WDR12: variants seen among roughly 807,000 people sequenced by gnomAD.
WDR12 encodes WD repeat domain 12, also known as ribosome biogenesis protein WDR12.
A neutral mutation model predicts 64.3 loss-of-function variants in WDR12; 42 were observed. That is an observed-to-expected ratio of 0.65 (90% CI 0.51 to 0.84). WDR12 has a LOEUF of 0.84. Among genes scored for constraint, WDR12 ranks in the 40% least tolerant of loss-of-function variants. The probability of loss-of-function intolerance (pLI) is 0.00; values close to 1 mark genes in which losing one functional copy is unlikely to be tolerated. For synonymous variants in WDR12, 158 were observed against 173.3 expected (o/e 0.91, Z 0.70); for missense variants, 469 against 494.6 (o/e 0.95, Z 0.49).
chr2:202,892,018 TA>T (rs1194666206), intron 8 of WDR12, among the ~76,000 whole-genome samples: 2 of 152,216 alleles, frequency 1.3e-5, no homozygotes, highest in Admixed American at 6.5e-5. Context: ...ATGTGTTAAT[TA>T]ATTTGATTGC....
chr2:202,901,340 A>C (rs1165605062), intron 2 of WDR12, among the ~76,000 whole-genome samples: 1 of 152,218 alleles, frequency 6.6e-6, no homozygotes, highest in Non-Finnish European at 1.5e-5. Flanking sequence ...TATTTCAAAC[A>C]TACACAAAAG....
intron 6 of WDR12, chr2:202,894,886 A>G (rs1339388244): frequency 1.8e-5 from 6 of 326,730 alleles, no homozygotes; most frequent in Non-Finnish European, 2.8e-5. Context: ...CAAGACAGCG[A>G]GAGGGTGTGC....
Position 202,883,625 on chromosome 2 carries a change from G to A in WDR12, c.1105C>T (p.Leu369=). The change falls in exon 11 of 13, where the codon CTG becomes TTG. Residue 369 remains leucine (L), a synonymous_variant. Transcript: ENST00000261015. ...AGAATTTACCTTCTTGTATCCCACAGCTTAACAATGTTATCTAAAGATCCT... is the reference window on the plus strand; with the variant it reads ...AGAATTTACCTTCTTGTATCCCACAACTTAACAATGTTATCTAAAGATCCT... ...ISGSLDNIVK[L]WDTRSCKAPL... is the part of the protein sequence containing the mutation. 2 of 1,613,896 alleles carry A rather than the reference G, an allele frequency of 1.2e-6. No individual in the cohort carries two copies. The highest frequency in any genetic ancestry group is 1.7e-6 in the Non-Finnish European group (2 of 1,179,952).
At chr2:202,883,425 T>A (rs1687989886) in intron 11 of WDR12, 184 bp downstream of exon 11, 1 of 584,274 alleles carries the variant, frequency 1.7e-6, no homozygotes, top group South Asian at 2.2e-5. Context: ...TGTGAGCCAC[T>A]GTGCCTGGCC....
At chr2:202,908,877 G>T (rs568869855) in intron 1 of WDR12, among the ~76,000 whole-genome samples, 1 of 152,094 alleles carries the variant, frequency 6.6e-6, no homozygotes, top group Admixed American at 6.5e-5. Context: ...ACTATATTAA[G>T]AACACTTACA....
rs774902213 is a variant in WDR12, at chr2:202,897,411, A to G, written c.343T>C (p.Leu115=). The part of the protein sequence containing the change: ...SSIKGAEEWI[L]TGSYDKTSRI... ...GAAGTCTTATCATAAGAACCAGTCA[A>G]GATCCTATGAGAAAAAAAAATCTTA... Residue 115 remains leucine, a synonymous_variant, in exon 5 of 13, where the codon TTG becomes CTG. Coordinates refer to ENST00000261015, the MANE Select transcript of WDR12 (RefSeq NM_018256.4). 7 of 1,514,920 alleles carry G rather than the reference A, an allele frequency of 4.6e-6. No individual in the cohort carries two copies. The highest frequency in any genetic ancestry group is 1.8e-6 in the Non-Finnish European group (2 of 1,131,930). 93.8% of individuals were successfully genotyped at this position (1,514,920 alleles called of 1,614,324 possible).
chr2:202,894,649 A>G lies in WDR12; in HGVS notation c.610-23T>C, dbSNP rs1240936680. ...AAACTAAACAGATGTATATGAAGGGAAAAGACATATGTAATATGATTCATA... is the reference window on the plus strand; with the variant it reads ...AAACTAAACAGATGTATATGAAGGGGAAAGACATATGTAATATGATTCATA... On this transcript the variant is annotated intron_variant, in intron 6 of 12. Coordinates refer to ENST00000261015, the MANE Select transcript of WDR12 (RefSeq NM_018256.4). The G allele has an allele frequency of 1.9e-6, 3 of 1,591,028 alleles. No individual in the cohort carries two copies. The African/African-American group carries it at 4.1e-5, about 22-fold the overall frequency.
chr2:202,897,194 G>A, intron 5 of WDR12, 106 bp downstream of exon 5: 2 of 671,600 alleles, frequency 3.0e-6, no homozygotes, highest in Non-Finnish European at 2.6e-6. Context: ...AATAACTGAG[G>A]TATGAGATAC....
At chr2:202,898,721 G>C (rs1470504241) in intron 4 of WDR12, among the ~76,000 whole-genome samples, 1 of 152,084 alleles carries the variant, frequency 6.6e-6, no homozygotes, top group Non-Finnish European at 1.5e-5. Flanking sequence ...GAGATCTATG[G>C]CTATAAAAGT....
rs763419497 is a variant in WDR12, at chr2:202,911,662, T to C, written c.-186A>G. On this transcript the variant is annotated 5_prime_UTR_variant, in exon 1 of 13. Coordinates refer to ENST00000261015, the MANE Select transcript of WDR12 (RefSeq NM_018256.4). Reference sequence around the variant, plus strand: ...GGTCTCCTCTGCAGAAAGCACGAGGTTGCCCTTCTACAGACGCCCAGACCA... The same window carrying C: ...GGTCTCCTCTGCAGAAAGCACGAGGCTGCCCTTCTACAGACGCCCAGACCA... 3.4e-5 allele frequency: 21 copies of C among 620,210 alleles called. No homozygotes were observed. Among genetic ancestry groups the C allele is most frequent in the Admixed American group, 5.3e-5 (2 of 37,432 alleles). 38.4% of individuals were successfully genotyped at this position (620,210 alleles called of 1,614,324 possible). A position where few individuals can be genotyped will look rare whatever the true frequency, so the allele number is the denominator to read the frequency against.
rs980317414 is a variant in WDR12, at chr2:202,911,598, G to C, written c.-122C>G. On this transcript the variant is annotated 5_prime_UTR_variant, in exon 1 of 13. Transcript: ENST00000261015. ...AAATTAGACTGCACAGGTAAGCGAGGAACTGCAGTCTAAGCCTGGACTCTG... is the reference window on the plus strand; with the variant it reads ...AAATTAGACTGCACAGGTAAGCGAGCAACTGCAGTCTAAGCCTGGACTCTG... 1.1e-6 allele frequency: 1 copy of C among 895,248 alleles called. No individual in the cohort carries two copies. Among genetic ancestry groups the C allele is most frequent in the Non-Finnish European group, 1.9e-6 (1 of 538,436 alleles). The allele number at this position is 895,248 out of a possible 1,614,324, so 55.5% of individuals were successfully genotyped here. A position where few individuals can be genotyped will look rare whatever the true frequency, so the allele number is the denominator to read the frequency against.
chr2:202,885,718 T>C (rs1207581061), intron 8 of WDR12, among the ~76,000 whole-genome samples: 1 of 152,092 alleles, frequency 6.6e-6, no homozygotes, highest in African/African-American at 2.4e-5. Flanking sequence ...AGCCCCAAAC[T>C]AGGTAACTAG....
chr2:202,900,340 A>T (rs1026566144), intron 3 of WDR12, among the ~76,000 whole-genome samples: 4 of 152,002 alleles, frequency 2.6e-5, no homozygotes, highest in African/African-American at 9.6e-5. Context: ...GAAAAAAAAA[A>T]AAAAAAGAAG....
intron 3 of WDR12, 89 bp downstream of exon 3, chr2:202,900,936 G>T: frequency 9.8e-7 from 1 of 1,020,938 alleles, no homozygotes; most frequent in Non-Finnish European, 1.4e-6. Flanking sequence ...TGCTACTAAA[G>T]ATAGATTCAG....
chr2:202,905,134 G>A (rs1379816027), intron 2 of WDR12, among the ~76,000 whole-genome samples: 1 of 152,186 alleles, frequency 6.6e-6, no homozygotes, highest in Non-Finnish European at 1.5e-5. Flanking sequence ...TTTCACCCCA[G>A]ATAAAATGGC....
intron 6 of WDR12, 30 bp downstream of exon 6, chr2:202,896,035 C>A (rs1444757439): frequency 6.3e-7 from 1 of 1,594,354 alleles, no homozygotes; most frequent in Non-Finnish European, 8.5e-7. Flanking sequence ...TCAAATTTAA[C>A]AGAGTACTAA....
chr2:202,888,515 C>T (rs1011591929), intron 8 of WDR12, among the ~76,000 whole-genome samples: 5 of 151,922 alleles, frequency 3.3e-5, no homozygotes, highest in Admixed American at 6.6e-5. Flanking sequence ...AACAGAAGTA[C>T]TGGAGGGAAA....
chr2:202,894,673 T>C (rs1688209294), intron 6 of WDR12, 47 bp from the exon 7 acceptor site: 4 of 1,513,628 alleles, frequency 2.6e-6, no homozygotes, highest in Non-Finnish European at 2.7e-6. Context: ...ATATGATTCA[T>C]ATTATTTGCC....
At chr2:202,882,922 T>C (rs1296226983) in intron 11 of WDR12, 139 bp from the exon 12 acceptor site, 3 of 631,964 alleles carry the variant, frequency 4.7e-6, no homozygotes, top group Non-Finnish European at 8.0e-6. Context: ...AAAATTCTGT[T>C]TATTTGATCA....
Sources: allele counts gnomAD v4.1 joint callset (sites outside exome capture counted in the v4.1 genomes callset), GRCh38; gene constraint gnomAD v4.1.1; transcripts MANE v1.5; gene names NCBI Gene and HGNC (gene_info 2026-07-23, HGNC 2026-07-21).